The following PRSS36 variants were observed in gnomAD, a reference collection of about 807,000 sequenced individuals.
PRSS36 encodes serine protease 36, also known as polyserase-2.
A neutral mutation model predicts 94.3 loss-of-function variants in PRSS36; 90 were observed. The ratio of observed to expected loss-of-function variants is 0.95; its 90% CI spans 0.80 to 1.14. The LOEUF is 1.14. Ranked by LOEUF, PRSS36 falls within the 50% of genes most tolerant of loss-of-function variation. PRSS36 has a pLI of 0.00. For synonymous variants in PRSS36, 500 were observed against 489.6 expected (o/e 1.02, Z -0.28); for missense variants, 1,158 against 1,135.0 (o/e 1.02, Z -0.29).
In PRSS36 at chr16:31,143,792, A is replaced by C; in HGVS notation, c.766T>G (p.Phe256Val). The change falls in exon 7 of 15, where the codon TTC becomes GTC. Residue 256 changes from phenylalanine to valine, a missense_variant. Coordinates refer to ENST00000268281, the MANE Select transcript of PRSS36 (RefSeq NM_173502.5). Reference protein sequence around the residue: ...PLVCEEGGRWFQAGITSFGFG... With the variant: ...PLVCEEGGRWVQAGITSFGFG... ...CCAAAGCTGGTGATTCCTGCCTGGAACCAGCGGCCGCCTTCCTCACAGACC... is the reference window on the plus strand; with the variant it reads ...CCAAAGCTGGTGATTCCTGCCTGGACCCAGCGGCCGCCTTCCTCACAGACC... 1.2e-6 allele frequency: 2 copies of C among 1,614,016 alleles called. No individual in the cohort carries two copies. The highest frequency in any genetic ancestry group is 1.7e-6 in the Non-Finnish European group (2 of 1,180,024).
At chr16:31,145,074 T>G (rs1283418550) in intron 6 of PRSS36, among the ~76,000 whole-genome samples, 1 of 138,720 alleles carries the variant, frequency 7.2e-6, no homozygotes, top group Non-Finnish European at 1.5e-5. Flanking sequence ...GCAATAAGAG[T>G]GAAACTCCGT....
Position 31,148,690 on chromosome 16 carries a change from G to A in PRSS36, c.273-15C>T. Reference sequence around the variant, plus strand: ...GCGTCCCATTCCTGCGCTCGACCGGGGCAGTAGGAGGTTAGGTTGACCCTA... The same window carrying A: ...GCGTCCCATTCCTGCGCTCGACCGGAGCAGTAGGAGGTTAGGTTGACCCTA... On this transcript the variant is annotated splice_polypyrimidine_tract_variant and intron_variant, in intron 4 of 14. Transcript: ENST00000268281. 6.2e-7 allele frequency: 1 copy of A among 1,611,520 alleles called. No individual in the cohort carries two copies. Among genetic ancestry groups the A allele is most frequent in the Non-Finnish European group, 8.5e-7 (1 of 1,179,328 alleles).
chr16:31,140,461 A>G (rs748826158), intron 13 of PRSS36, 31 bp downstream of exon 13: 1 of 1,600,984 alleles, frequency 6.2e-7, no homozygotes, highest in East Asian at 2.2e-5. Context: ...GCCTCCAGCT[A>G]CTCCTCGTTC....
In PRSS36 at chr16:31,140,189, C is replaced by CAA; in HGVS notation, c.2289+103_2289+104dup. ...TGGGGGACAGAGTGAGACTCTGTCT[C>CAA]AAAAAAAAAAAAAAAAAAAAATTCC... On this transcript the variant is annotated intron_variant, in intron 14 of 14. Coordinates refer to ENST00000268281, the MANE Select transcript of PRSS36 (RefSeq NM_173502.5). The CAA allele has an allele frequency of 7.4e-6, 9 of 1,211,898 alleles. No individual in the cohort carries two copies. In the African/African-American group the frequency reaches 1.2e-4, roughly 16 times the overall value. The allele number at this position is 1,211,898 out of a possible 1,614,324, so 75.1% of individuals were successfully genotyped here.
intron 14 of PRSS36, among the ~76,000 whole-genome samples, chr16:31,140,047 CG>C (rs1411373882): frequency 2.6e-5 from 4 of 151,066 alleles, no homozygotes; most frequent in Admixed American, 6.6e-5. Flanking sequence ...AAAAATTAGC[CG>C]GGCGTAGTAG....
At chr16:31,148,325 C>T (rs1446491716) in intron 5 of PRSS36, 70 bp downstream of exon 5, 35 of 1,437,796 alleles carry the variant, frequency 2.4e-5, no homozygotes, top group Non-Finnish European at 3.0e-5. Context: ...CCTGAGGCCC[C>T]GCCCTAGGAA....
At chr16:31,147,380 C>T (rs757256803) in intron 5 of PRSS36, among the ~76,000 whole-genome samples, 33 of 152,142 alleles carry the variant, frequency 2.2e-4, no homozygotes, top group Non-Finnish European at 4.0e-4. Context: ...CTCACAGTGA[C>T]GCTTCCTCAT....
At chr16:31,143,149 G>T (rs572097730) in intron 8 of PRSS36, among the ~76,000 whole-genome samples, 156 bp from the exon 9 acceptor site, 1 of 152,044 alleles carries the variant, frequency 6.6e-6, no homozygotes, top group Non-Finnish European at 1.5e-5. Context: ...CCGCCTCCGG[G>T]ATCGAACTTC....
Position 31,138,985 on chromosome 16 carries a change from AATAGCCC to A in PRSS36, c.*146_*152del. On this transcript the variant is annotated 3_prime_UTR_variant, in exon 15 of 15. Coordinates refer to ENST00000268281, the MANE Select transcript of PRSS36 (RefSeq NM_173502.5). ...CACCCCCAAGGATTCCTGGGTTCAAAATAGCCCGGGCACTGAGGCCCAATTAGCCAGA... is the reference window on the plus strand; with the variant it reads ...CACCCCCAAGGATTCCTGGGTTCAAAGGGCACTGAGGCCCAATTAGCCAGA... 4 of 832,010 alleles carry A rather than the reference AATAGCCC, an allele frequency of 4.8e-6. No individual in the cohort carries two copies. In the South Asian group the frequency reaches 7.8e-5, roughly 16 times the overall value. 51.5% of individuals were successfully genotyped at this position (832,010 alleles called of 1,614,324 possible).
chr16:31,148,413 C>T lies in PRSS36; in HGVS notation c.535G>A (p.Gly179Arg). ...HGTACWATGW[G>R]DVQEADPLPL... The stretch of plus-strand genomic sequence containing the variant: ...CACTCACCTGCCTCCTGGACGTCTC[C>T]CCAGCCGGTGGCCCAGCAGGCGGTG... Residue 179 changes from glycine to arginine, a missense_variant, in exon 5 of 15, where the codon GGA becomes AGA. Physicochemically the swap from Gly to Arg is moderately radical, Grantham distance 125. Transcript: ENST00000268281. 1 of 1,571,346 alleles carries T rather than the reference C, an allele frequency of 6.4e-7. No individual in the cohort carries two copies. The highest frequency in any genetic ancestry group is 8.6e-7 in the Non-Finnish European group (1 of 1,167,342).
rs1193423893 is a variant in PRSS36 at position 31,148,440 on chromosome 16, C to G, written c.508G>C (p.Gly170Arg). The change falls in exon 5 of 15, where the codon GGC (glycine) becomes CGC (arginine). Residue 170 changes from glycine to arginine, a missense_variant. Gly to Arg is a moderately radical substitution (Grantham distance 125). Coordinates refer to ENST00000268281, the MANE Select transcript of PRSS36 (RefSeq NM_173502.5). ...CAGCCGGTGGCCCAGCAGGCGGTGC[C>G]GTGCACGAAGCGGTGTGAGGCGCGG... is the stretch of plus-strand genomic sequence containing the variant. The part of the protein sequence containing the change: ...LPRASHRFVH[G>R]TACWATGWGD... The G allele has an allele frequency of 4.4e-6, 7 of 1,573,832 alleles. No homozygotes were observed. The highest frequency in any genetic ancestry group is 2.7e-5 in the African/African-American group (2 of 73,694).
intron 5 of PRSS36, among the ~76,000 whole-genome samples, chr16:31,146,794 A>G (rs1015057260): frequency 2.6e-5 from 4 of 152,126 alleles, no homozygotes; most frequent in African/African-American, 7.2e-5. Flanking sequence ...AGCCTGCCCA[A>G]CATAGTGAAA....
intron 12 of PRSS36, 24 bp downstream of exon 12, chr16:31,141,445 G>A (rs372433953): frequency 9.5e-5 from 150 of 1,583,724 alleles, no homozygotes; most frequent in Non-Finnish European, 1.2e-4. Flanking sequence ...CCCGTCTCTC[G>A]CCTAGGAGAC....
At position 31,148,547 on chromosome 16, in the gene PRSS36, A is replaced by T. The variant is rs757099448; in HGVS notation, c.401T>A (p.Val134Glu). 1 of 1,605,984 alleles carries T rather than the reference A, an allele frequency of 6.2e-7. No homozygotes were observed. Among genetic ancestry groups the T allele is most frequent in the Non-Finnish European group, 8.5e-7 (1 of 1,177,900 alleles). The change falls in exon 5 of 15, where the codon GTG becomes GAG. Residue 134 changes from valine to glutamate, a missense_variant. Transcript: ENST00000268281. Reference sequence around the variant, plus strand: ...CAGGGCCAGGTCGGCGCCCAGCTCCACTTGGCTGTAGTTGGCCGGCACCAC... The same window carrying T: ...CAGGGCCAGGTCGGCGCCCAGCTCCTCTTGGCTGTAGTTGGCCGGCACCAC... Reference protein sequence around the residue: ...AIVVPANYSQVELGADLALLR... With the variant: ...AIVVPANYSQEELGADLALLR...
At position 31,149,068 on chromosome 16, in the gene PRSS36, C is replaced by G. The variant is rs767098498; in HGVS notation, c.272+5G>C. 3 of 1,589,462 alleles carry G rather than the reference C, an allele frequency of 1.9e-6. No homozygotes were observed. The African/African-American group carries it at 4.0e-5, about 21-fold the overall frequency. On this transcript the variant is annotated splice_donor_5th_base_variant and intron_variant, in intron 4 of 14. Transcript: ENST00000268281. ...AGAGGGGCCAGGACCAGGGCGAATA[C>G]TCACGTCATGAAACAGTGAGCAGCG...
At chr16:31,144,144 T>C (rs1285763369) in intron 6 of PRSS36, among the ~76,000 whole-genome samples, 3 of 150,504 alleles carry the variant, frequency 2.0e-5, no homozygotes, top group African/African-American at 4.9e-5. Context: ...CTCCCTCCCT[T>C]CCTTCCTTCT....
In PRSS36 at chr16:31,143,632, T is replaced by G; in HGVS notation, c.926A>C (p.Asp309Ala). ...FPTQPQKTQS[D>A]PQEPREENCT... ...GTTCTCCTCCCTGGGCTCCTGGGGA[T>G]CTGACTGGGTCTTCTGGGGCTGGGT... is the stretch of plus-strand genomic sequence containing the variant. Residue 309 changes from aspartate (D) to alanine (A), a missense_variant, in exon 7 of 15, where the codon GAT (aspartate) becomes GCT (alanine). By Grantham distance (126) the Asp-to-Ala change is moderately radical. Transcript: ENST00000268281. 3.1e-6 allele frequency: 5 copies of G among 1,614,182 alleles called. No homozygotes were observed. Among genetic ancestry groups the G allele is most frequent in the Non-Finnish European group, 3.4e-6 (4 of 1,180,022 alleles).
intron 2 of PRSS36, 42 bp from the exon 3 acceptor site, chr16:31,149,540 C>T: frequency 1.2e-6 from 2 of 1,613,200 alleles, no homozygotes; most frequent in Non-Finnish European, 1.7e-6. Context: ...CTTGTGACTT[C>T]CAGGCCTGCA....
chr16:31,139,115 A>C lies in PRSS36; in HGVS notation c.*23T>G. The C allele has an allele frequency of 6.6e-7, 1 of 1,518,992 alleles. No homozygotes were observed. 94.1% of individuals were successfully genotyped at this position (1,518,992 alleles called of 1,614,324 possible). A position where few individuals can be genotyped will look rare whatever the true frequency, so the allele number is the denominator to read the frequency against. ...GGAAGTAGAGGGTGGAGAAGGGGGA[A>C]GTGGTGCTGGGACCCTAGCCCCTCA... On this transcript the variant is annotated 3_prime_UTR_variant, in exon 15 of 15. Coordinates refer to ENST00000268281, the MANE Select transcript of PRSS36 (RefSeq NM_173502.5).
Sources: gnomAD v4.1 joint callset for allele counts (sites outside exome capture counted in the v4.1 genomes callset) on GRCh38, gnomAD v4.1.1 for gene constraint, MANE v1.5 for transcripts, NCBI Gene and HGNC (gene_info 2026-07-23, HGNC 2026-07-21) for gene names.